INSL6: variants seen among roughly 807,000 people sequenced by gnomAD.
INSL6 encodes insulin-like peptide INSL6.
In INSL6, 16 loss-of-function variants were observed where a neutral mutation model predicts 9.4. The observed-to-expected ratio is 1.70, with a 90% CI of 1.15 to 2.59. The LOEUF (loss-of-function observed/expected upper bound fraction) is 2.59. INSL6 is among the 30% of genes most tolerant of loss of function. The pLI is 0.00. For synonymous variants in INSL6, 154 were observed against 96.9 expected, an observed-to-expected ratio of 1.59 and a Z score of -3.46; for missense variants, 391 against 257.3, an observed-to-expected ratio of 1.52 and a Z score of -3.56.
At chr9:5,144,446 C>G (rs1346876278) in intron 2 of INSL6, among the ~76,000 whole-genome samples, 1 of 151,992 alleles carries the variant, frequency 6.6e-6, no homozygotes, top group East Asian at 1.9e-4. Flanking sequence ...TAGAGTATGC[C>G]AAGTGGTGAT....
chr9:5,064,416 G>T, the INSL6 span, among the ~76,000 whole-genome samples: 1 of 151,746 alleles, frequency 6.6e-6, no homozygotes, highest in Non-Finnish European at 1.5e-5. Flanking sequence ...TGTAATCCCA[G>T]CTACTCATGA....
At chr9:5,055,905 A>T in the INSL6 span, 1 of 899,618 alleles carries the variant, frequency 1.1e-6, no homozygotes, top group Non-Finnish European at 1.7e-6. Flanking sequence ...AGTTTTAAAT[A>T]TAACTCTAAA....
chr9:5,089,750 A>G, the INSL6 span: 10 of 1,585,104 alleles, frequency 6.3e-6, no homozygotes, highest in Non-Finnish European at 6.9e-6. Flanking sequence ...GCTGTAAAAA[A>G]GCTTCAGCAT....
chr9:5,140,706 T>TG (rs1401986529), intron 2 of INSL6, among the ~76,000 whole-genome samples: 1 of 135,368 alleles, frequency 7.4e-6, no homozygotes. Flanking sequence ...AAACCTGGGG[T>TG]GGGGATTCAT....
intron 1 of INSL6, among the ~76,000 whole-genome samples, chr9:5,172,026 A>T (rs1825193778): frequency 6.6e-6 from 1 of 152,194 alleles, no homozygotes; most frequent in Non-Finnish European, 1.5e-5. Context: ...AACAGCCAAG[A>T]CAATCCTAAG....
chr9:5,147,821 T>G (rs987820069), intron 2 of INSL6, among the ~76,000 whole-genome samples: 1 of 152,228 alleles, frequency 6.6e-6, no homozygotes, highest in Non-Finnish European at 1.5e-5. Context: ...TTCCTCGGGT[T>G]GGTGTGTTCT....
the INSL6 span, among the ~76,000 whole-genome samples, chr9:5,030,397 G>A: frequency 5.3e-5 from 8 of 152,002 alleles, no homozygotes; most frequent in Non-Finnish European, 8.8e-5. Context: ...GAGAAATCTA[G>A]AAGTATTTTT....
At chr9:5,054,943 CAA>C in the INSL6 span, 86 of 1,288,070 alleles carry the variant, frequency 6.7e-5, no homozygotes, top group Non-Finnish European at 6.7e-5. The surrounding 1 kb of genome is among the most constrained non-coding windows in gnomAD (Gnocchi z 4.9). Flanking sequence ...GAAATAAAAA[CAA>C]AGTAATTTTA....
chr9:5,053,663 T>C, the INSL6 span, among the ~76,000 whole-genome samples: 1 of 152,028 alleles, frequency 6.6e-6, no homozygotes, highest in Non-Finnish European at 1.5e-5. Context: ...AATGGCTATG[T>C]ACATGCTTTC....
chr9:5,122,905 T>C, downstream of INSL6: 1 of 748,276 alleles, frequency 1.3e-6, no homozygotes, highest in Admixed American at 2.8e-5. Flanking sequence ...CTCTTTTCTC[T>C]ACATGTTTTT....
chr9:5,148,520 C>G (rs1824646544), intron 2 of INSL6, among the ~76,000 whole-genome samples: 1 of 152,156 alleles, frequency 6.6e-6, no homozygotes, highest in South Asian at 2.1e-4. Context: ...ATTTCGGGGC[C>G]ACAGGGCTCC....
At chr9:5,009,643 C>T in the INSL6 span, among the ~76,000 whole-genome samples, 1 of 152,088 alleles carries the variant, frequency 6.6e-6, no homozygotes, top group African/African-American at 2.4e-5. Flanking sequence ...TCCTACAACC[C>T]CTGCCCCATC....
intron 1 of INSL6, among the ~76,000 whole-genome samples, chr9:5,179,579 G>T (rs1825398810): frequency 6.6e-6 from 1 of 152,168 alleles, no homozygotes; most frequent in Admixed American, 6.5e-5. Context: ...CAATAGCAAA[G>T]ACATGGAATC....
chr9:5,073,782 G>T, the INSL6 span: 2 of 1,595,826 alleles, frequency 1.3e-6, no homozygotes, highest in South Asian at 2.2e-5. Flanking sequence ...CTGTGGAGAC[G>T]AGAGTAAGTA....
chr9:5,129,524 A>G lies in INSL6; in HGVS notation c.*10+3901T>C, dbSNP rs1412849130. Reference sequence around the variant, plus strand: ...ATGAAAGTTTCTCTAATTTGGGGGCATAATGTACTAAGAATCAGTTTGCTG... The same window carrying G: ...ATGAAAGTTTCTCTAATTTGGGGGCGTAATGTACTAAGAATCAGTTTGCTG... On this transcript the variant is annotated intron_variant, in intron 3 of 3. Transcript: ENST00000649639. Among the ~76,000 whole-genome samples the G allele has an allele frequency of 2.6e-5, 4 of 152,134 alleles. No homozygotes were observed. In the East Asian group the frequency reaches 7.7e-4, roughly 29 times the overall value.
intron 1 of INSL6, among the ~76,000 whole-genome samples, chr9:5,180,189 C>T (rs1459388101): frequency 6.6e-6 from 1 of 152,174 alleles, no homozygotes; most frequent in Non-Finnish European, 1.5e-5. Context: ...TTATGCCTGT[C>T]TTTACTCTCT....
chr9:5,085,799 C>T, the INSL6 span: 7 of 756,548 alleles, frequency 9.3e-6, no homozygotes, highest in Non-Finnish European at 1.7e-5. Context: ...ATGCTCGGGC[C>T]ATTAGTACCA....
At chr9:5,136,171 C>T (rs1208053571) in intron 2 of INSL6, among the ~76,000 whole-genome samples, 7 of 152,194 alleles carry the variant, frequency 4.6e-5, no homozygotes, top group Non-Finnish European at 1.0e-4. Flanking sequence ...GATGGATTCA[C>T]AGCCAAATTC....
the INSL6 span, chr9:5,022,189 TGTA>T: frequency 6.2e-7 from 1 of 1,613,956 alleles, no homozygotes; most frequent in Non-Finnish European, 8.5e-7. Flanking sequence ...AGAAGAAATC[TGTA>T]TTGCTGCTTC....
Sources: allele counts gnomAD v4.1 joint callset (sites outside exome capture counted in the v4.1 genomes callset), GRCh38; gene constraint gnomAD v4.1.1; non-coding constraint Gnocchi (gnomAD v3.1); transcripts MANE v1.5; gene names NCBI Gene and HGNC (gene_info 2026-07-23, HGNC 2026-07-21).